GPC5: variants seen among roughly 807,000 people sequenced by gnomAD.
The protein encoded by GPC5 is glypican-5.
Under a neutral mutation model 53.9 loss-of-function variants are expected in GPC5, and 47 were observed. That is an observed-to-expected ratio of 0.87 (90% confidence interval 0.69 to 1.11). The LOEUF is 1.11. GPC5 is among the 50% of genes most tolerant of loss of function. The probability of loss-of-function intolerance (pLI) is 0.00; values close to 1 mark genes in which losing one functional copy is unlikely to be tolerated. For missense variants in GPC5, 748 were observed against 713.1 expected (o/e 1.05, Z -0.56); for synonymous variants, 286 against 263.3 (o/e 1.09, Z -0.84).
chr13:91,556,836 G>A (rs1466871899), intron 2 of GPC5, among the ~76,000 whole-genome samples: 2 of 151,858 alleles, frequency 1.3e-5, no homozygotes, highest in Admixed American at 6.6e-5. Flanking sequence ...TGTGAGGGGG[G>A]TGAGAGATAA....
chr13:92,404,613 A>C (rs1875712864), intron 7 of GPC5, among the ~76,000 whole-genome samples: 1 of 131,532 alleles, frequency 7.6e-6, no homozygotes, highest in African/African-American at 2.9e-5. Context: ...ATAAATAATC[A>C]TTCACAGCAA....
intron 7 of GPC5, among the ~76,000 whole-genome samples, chr13:92,579,272 TCC>T (rs1384867945): frequency 0.032 from 156 of 4,852 alleles, 14 homozygotes; most frequent in Middle Eastern, 0.33. Flanking sequence ...CCTCCCTCCC[TCC>T]CTCTCTCTCT....
rs1436454662 is a variant in GPC5 at position 91,565,599 on chromosome 13, C to G, written c.325+116677C>G. Among the ~76,000 whole-genome samples the G allele has an allele frequency of 2.0e-5, 3 of 152,176 alleles. No individual in the cohort carries two copies. The East Asian group carries it at 5.8e-4, about 29-fold the overall frequency. On this transcript the variant is annotated intron_variant, in intron 2 of 7. Coordinates refer to ENST00000377067, the MANE Select transcript of GPC5 (RefSeq NM_004466.6). ...AAGAGACTATTAATGTTAAAATTAA[C>G]CAGACATGTACTTACAGCCATGGTT...
intron 6 of GPC5, among the ~76,000 whole-genome samples, chr13:92,076,958 G>T (rs181342787): frequency 6.6e-6 from 1 of 152,160 alleles, no homozygotes; most frequent in Non-Finnish European, 1.5e-5. Context: ...GACTTCAGAA[G>T]AACCTTGGTA....
At chr13:92,790,419 G>A (rs1876419982) in intron 7 of GPC5, among the ~76,000 whole-genome samples, 1 of 152,166 alleles carries the variant, frequency 6.6e-6, no homozygotes, top group Admixed American at 6.6e-5. Context: ...ATTGCATTTA[G>A]TAGATCTTGA....
At chr13:91,973,104 C>A (rs2040260203) in intron 6 of GPC5, among the ~76,000 whole-genome samples, 1 of 152,188 alleles carries the variant, frequency 6.6e-6, no homozygotes, top group Non-Finnish European at 1.5e-5. Flanking sequence ...TCAGGTACAC[C>A]AATCAGATGT....
At chr13:91,968,637 C>A (rs564644177) in intron 6 of GPC5, among the ~76,000 whole-genome samples, 4 of 151,496 alleles carry the variant, frequency 2.6e-5, no homozygotes, top group African/African-American at 9.7e-5. Flanking sequence ...AATTTTTGTA[C>A]TTTTAGTAGA....
intron 7 of GPC5, among the ~76,000 whole-genome samples, chr13:92,441,342 T>C (rs964540327): frequency 6.6e-6 from 1 of 152,238 alleles, no homozygotes; most frequent in Non-Finnish European, 1.5e-5. Context: ...GTGCTGGGAC[T>C]ACAGGCGTGA....
At chr13:92,791,027 T>G (rs1594509612) in intron 7 of GPC5, among the ~76,000 whole-genome samples, 2 of 152,090 alleles carry the variant, frequency 1.3e-5, no homozygotes, top group South Asian at 4.1e-4. Context: ...AAGAGTGGCT[T>G]GGAAACTAAA....
chr13:91,900,616 TA>T (rs1357837927), intron 5 of GPC5, among the ~76,000 whole-genome samples: 1 of 152,124 alleles, frequency 6.6e-6, no homozygotes, highest in Non-Finnish European at 1.5e-5. Context: ...AATTTTTGAT[TA>T]AAAAATTTAA....
chr13:92,252,957 A>G (rs747755874), intron 7 of GPC5, among the ~76,000 whole-genome samples: 20 of 152,154 alleles, frequency 1.3e-4, no homozygotes, highest in Non-Finnish European at 2.6e-4. Flanking sequence ...AAATACAGAC[A>G]TAGACGATCA....
chr13:92,131,361 A>T (rs781625153), intron 6 of GPC5, among the ~76,000 whole-genome samples: 7 of 152,040 alleles, frequency 4.6e-5, no homozygotes, highest in Non-Finnish European at 1.0e-4. Context: ...TGAGTACTTC[A>T]GTCTATGTCA....
At position 92,075,940 on chromosome 13, in the gene GPC5, A is replaced by T. The variant is rs1285040551; in HGVS notation, c.1402-68890A>T. ...GTATTTCTTTATTATTCTTGAAGGG[A>T]AAAGCAGACAGTTTTGTATCAAGAT... is the stretch of plus-strand genomic sequence containing the variant. On this transcript the variant is annotated intron_variant, in intron 6 of 7. Coordinates refer to ENST00000377067, the MANE Select transcript of GPC5 (RefSeq NM_004466.6). 2.0e-5 allele frequency among the ~76,000 whole-genome samples: 3 copies of T among 152,322 alleles called. No individual in the cohort carries two copies. In the South Asian group the frequency reaches 6.2e-4, roughly 32 times the overall value.
At chr13:92,409,564 A>T (rs919567001) in intron 7 of GPC5, among the ~76,000 whole-genome samples, 1 of 152,088 alleles carries the variant, frequency 6.6e-6, no homozygotes, top group African/African-American at 2.4e-5. Flanking sequence ...ATGATAATAC[A>T]TAAAATATAA....
chr13:91,748,069 T>A (rs1017072785), intron 4 of GPC5, among the ~76,000 whole-genome samples: 1 of 152,148 alleles, frequency 6.6e-6, no homozygotes, highest in African/African-American at 2.4e-5. Flanking sequence ...AGGTGTACAG[T>A]TTAAAATGTT....
At chr13:92,331,558 T>A (rs2043288088) in intron 7 of GPC5, among the ~76,000 whole-genome samples, 1 of 152,186 alleles carries the variant, frequency 6.6e-6, no homozygotes, top group African/African-American at 2.4e-5. Context: ...ATATGAACAC[T>A]GGCAGTGTTA....
intron 6 of GPC5, among the ~76,000 whole-genome samples, chr13:91,933,840 T>C (rs886401562): frequency 6.6e-6 from 1 of 152,014 alleles, no homozygotes; most frequent in African/African-American, 2.4e-5. Flanking sequence ...CATGATAATT[T>C]GCATGTCTTG....
At chr13:91,633,563 T>C (rs1026136231) in intron 2 of GPC5, among the ~76,000 whole-genome samples, 1 of 152,136 alleles carries the variant, frequency 6.6e-6, no homozygotes, top group Non-Finnish European at 1.5e-5. Flanking sequence ...TGAAGATGGT[T>C]CCTTGTGGAA....
chr13:91,961,791 A>G (rs1305247601), intron 6 of GPC5, among the ~76,000 whole-genome samples: 1 of 152,094 alleles, frequency 6.6e-6, no homozygotes, highest in Admixed American at 6.6e-5. Flanking sequence ...ACACAGAGGC[A>G]TTATCTATGG....
Sources: gnomAD v4.1 joint callset for allele counts (sites outside exome capture counted in the v4.1 genomes callset) on GRCh38, gnomAD v4.1.1 for gene constraint, MANE v1.5 for transcripts, NCBI Gene and HGNC (gene_info 2026-07-23, HGNC 2026-07-21) for gene names.